TPRG1: variants seen among roughly 807,000 people sequenced by gnomAD.
TPRG1 encodes tumor protein p63 regulated 1.
A neutral mutation model predicts 29.3 loss-of-function variants in TPRG1; 29 were observed. The observed-to-expected ratio is 0.99, with a 90% CI of 0.74 to 1.35. The LOEUF is 1.35. Ranked by LOEUF, TPRG1 falls within the 40% of genes most tolerant of loss-of-function variation. The probability of loss-of-function intolerance (pLI) is 0.00; values close to 1 mark genes in which losing one functional copy is unlikely to be tolerated. For missense variants in TPRG1, 327 were observed against 335.0 expected, an observed-to-expected ratio of 0.98 and a Z score of 0.19; for synonymous variants, 130 against 116.8, an observed-to-expected ratio of 1.11 and a Z score of -0.73.
At chr3:189,013,082 T>C (rs1712689193) in intron 3 of TPRG1, among the ~76,000 whole-genome samples, 1 of 152,164 alleles carries the variant, frequency 6.6e-6, no homozygotes, top group Non-Finnish European at 1.5e-5. Flanking sequence ...TTGTTTGCTC[T>C]TGATTCACTA....
At chr3:189,057,442 A>G (rs1457058789) in intron 4 of TPRG1, among the ~76,000 whole-genome samples, 1 of 151,936 alleles carries the variant, frequency 6.6e-6, no homozygotes, top group East Asian at 1.9e-4. Context: ...AAAAATCATC[A>G]GAGATGGTAA....
intron 4 of TPRG1, among the ~76,000 whole-genome samples, chr3:189,254,130 C>G (rs1415674320): frequency 6.6e-6 from 1 of 152,076 alleles, no homozygotes; most frequent in Non-Finnish European, 1.5e-5. Context: ...CCTAGGTTTT[C>G]TTTTAGGATT....
intron 4 of TPRG1, among the ~76,000 whole-genome samples, chr3:189,267,352 C>A (rs1289696440): frequency 6.6e-6 from 1 of 152,158 alleles, no homozygotes; most frequent in Non-Finnish European, 1.5e-5. Flanking sequence ...TGATGCATGA[C>A]TTTATACATT....
chr3:189,074,875 G>A (rs752081946), intron 4 of TPRG1, among the ~76,000 whole-genome samples: 5 of 151,358 alleles, frequency 3.3e-5, no homozygotes, highest in South Asian at 2.1e-4. Context: ...GCAGTGGCGC[G>A]ATCTCCGCTC....
chr3:189,246,145 A>G (rs1405184029), intron 4 of TPRG1, among the ~76,000 whole-genome samples: 4 of 152,106 alleles, frequency 2.6e-5, no homozygotes, highest in Non-Finnish European at 4.4e-5. Context: ...TTCTCTTGAT[A>G]GTGAATAAAT....
intron 2 of TPRG1, among the ~76,000 whole-genome samples, chr3:189,208,345 T>C (rs549920090): frequency 6.6e-5 from 10 of 152,254 alleles, no homozygotes; most frequent in South Asian, 2.1e-4. Flanking sequence ...TTACAATCAA[T>C]TGGGGGCAAA....
chr3:189,086,548 A>C (rs1182431148), intron 4 of TPRG1, among the ~76,000 whole-genome samples: 5 of 140,308 alleles, frequency 3.6e-5, no homozygotes, highest in African/African-American at 1.3e-4. Flanking sequence ...TTTTTTTGAG[A>C]TGGAAGTTTG....
At chr3:189,189,740 C>A (rs1001828028) in intron 1 of TPRG1, among the ~76,000 whole-genome samples, 1 of 152,212 alleles carries the variant, frequency 6.6e-6, no homozygotes, top group Admixed American at 6.5e-5. Flanking sequence ...GAGGCCTCTC[C>A]TAAATTGAAG....
At chr3:189,316,903 G>A (rs1018682906) in intron 5 of TPRG1, among the ~76,000 whole-genome samples, 1 of 152,126 alleles carries the variant, frequency 6.6e-6, no homozygotes, top group Non-Finnish European at 1.5e-5. Context: ...CCAGCTCGGG[G>A]ACTTGGCCTT....
intron 4 of TPRG1, among the ~76,000 whole-genome samples, chr3:189,284,293 T>C (rs1425620206): frequency 6.6e-6 from 1 of 151,928 alleles, no homozygotes; most frequent in East Asian, 1.9e-4. Context: ...GTCGGTGTCC[T>C]GCACCCATTA....
At chr3:189,156,540 C>A (rs898128750) in intron 5 of TPRG1, among the ~76,000 whole-genome samples, 3 of 152,076 alleles carry the variant, frequency 2.0e-5, no homozygotes, top group African/African-American at 7.2e-5. Flanking sequence ...GATGGAGTGC[C>A]TTTTACTGGG....
rs549433698 is a variant in TPRG1 at position 189,173,339 on chromosome 3, C to CTTTTTTTTTTTTTTTTTTT, written c.-10+1210_-10+1211insTTTTTTTTTTTTTTTTTTT. 2.3e-5 allele frequency among the ~76,000 whole-genome samples: 3 copies of CTTTTTTTTTTTTTTTTTTT among 130,326 alleles called. 1 individual carries two copies. Among genetic ancestry groups the CTTTTTTTTTTTTTTTTTTT allele is most frequent in the Non-Finnish European group, 1.5e-5 (1 of 64,782 alleles). 85.5% of individuals were successfully genotyped at this position (130,326 alleles called of 152,430 possible). ...ATATATTCTTTTTCTTTCTTTTCTT[C>CTTTTTTTTTTTTTTTTTTT]TTCTTTTTTTTTTTTTTTGAGACAG... On this transcript the variant is annotated intron_variant, in intron 1 of 5. Transcript: ENST00000345063.
At position 189,321,090 on chromosome 3, in the gene TPRG1, C is replaced by A; in HGVS notation, c.*270C>A. Reference sequence around the variant, plus strand: ...TACTGTTATCAAATGAGTGCCTGATCATCAACTCAGGAAAGAAGACTCTAA... The same window carrying A: ...TACTGTTATCAAATGAGTGCCTGATAATCAACTCAGGAAAGAAGACTCTAA... On this transcript the variant is annotated 3_prime_UTR_variant, in exon 6 of 6. Transcript: ENST00000345063. 7 of 218,140 alleles carry A rather than the reference C, an allele frequency of 3.2e-5. No homozygotes were observed. The highest frequency in any genetic ancestry group is 8.8e-5 in the East Asian group (1 of 11,316). 13.5% of individuals were successfully genotyped at this position (218,140 alleles called of 1,614,324 possible). A position where few individuals can be genotyped will look rare whatever the true frequency, so the allele number is the denominator to read the frequency against.
chr3:189,165,424 G>T (rs1346824160), intron 5 of TPRG1, among the ~76,000 whole-genome samples: 1 of 151,776 alleles, frequency 6.6e-6, no homozygotes, highest in Non-Finnish European at 1.5e-5. Context: ...TAACACTCTG[G>T]TTCTCAAACT....
intron 4 of TPRG1, among the ~76,000 whole-genome samples, chr3:189,029,862 G>GAT (rs1713845470): frequency 6.6e-6 from 1 of 152,150 alleles, no homozygotes; most frequent in African/African-American, 2.4e-5. Context: ...CTGATCATGT[G>GAT]ATACGCTGGC....
chr3:189,081,581 T>C (rs1163803184), intron 4 of TPRG1, among the ~76,000 whole-genome samples: 2 of 152,142 alleles, frequency 1.3e-5, no homozygotes, highest in African/African-American at 4.8e-5. Context: ...TACAGAAAAG[T>C]TGATAAAAAT....
chr3:189,024,643 C>T lies in TPRG1; in HGVS notation c.-463+697C>T, dbSNP rs374182214. ...GTCTGGAACAGATGAGCTGTCCAAA[C>T]AACAATGATGGTGGCCTACCCCTCC... On this transcript the variant is annotated intron_variant, in intron 4 of 10. Coordinates refer to the TPRG1 transcript ENST00000433971. 2.6e-5 allele frequency among the ~76,000 whole-genome samples: 4 copies of T among 152,328 alleles called. No homozygotes were observed. In the East Asian group the frequency reaches 7.7e-4, roughly 29 times the overall value.
At chr3:189,077,379 T>G (rs1407912924) in intron 4 of TPRG1, among the ~76,000 whole-genome samples, 1 of 152,088 alleles carries the variant, frequency 6.6e-6, no homozygotes, top group Non-Finnish European at 1.5e-5. Context: ...TTTTTGCCTA[T>G]ACTAACTAAC....
chr3:189,145,838 CAT>C (rs1268349046), intron 3 of TPRG1, among the ~76,000 whole-genome samples: 7 of 152,146 alleles, frequency 4.6e-5, no homozygotes, highest in African/African-American at 1.4e-4. Context: ...GTGATTAACA[CAT>C]GTCAGACACT....
Sources: gnomAD v4.1 joint callset for allele counts (sites outside exome capture counted in the v4.1 genomes callset) on GRCh38, gnomAD v4.1.1 for gene constraint, MANE v1.5 for transcripts, NCBI Gene and HGNC (gene_info 2026-07-23, HGNC 2026-07-21) for gene names.